Variants in FSTL4 observed in about 807,000 individuals in gnomAD.
FSTL4 encodes the protein follistatin-related protein 4.
Under a neutral mutation model 78.2 loss-of-function variants are expected in FSTL4, and 28 were observed. The ratio of observed to expected loss-of-function variants is 0.36; its 90% CI spans 0.27 to 0.49. The LOEUF is 0.49. Ranked by LOEUF, FSTL4 falls within the 20% of genes least tolerant of loss-of-function variation. The probability of loss-of-function intolerance (pLI) is 0.98; values close to 1 mark genes in which losing one functional copy is unlikely to be tolerated. For missense variants in FSTL4, 922 were observed against 1,084.9 expected (o/e 0.85, Z 2.11); for synonymous variants, 422 against 440.5 (o/e 0.96, Z 0.53).
chr5:133,538,628 A>C (rs1279430838), intron 3 of FSTL4, among the ~76,000 whole-genome samples: 1 of 151,608 alleles, frequency 6.6e-6, no homozygotes, highest in East Asian at 1.9e-4. Flanking sequence ...GCTTTCCTTT[A>C]TGTCCATCTA....
At chr5:133,330,456 C>A (rs771249152) in intron 4 of FSTL4, among the ~76,000 whole-genome samples, 1 of 152,074 alleles carries the variant, frequency 6.6e-6, no homozygotes, top group Non-Finnish European at 1.5e-5. Flanking sequence ...GATGCCACAC[C>A]CTTTTAAACA....
At chr5:133,772,178 G>C in the FSTL4 span, among the ~76,000 whole-genome samples, 4 of 152,062 alleles carry the variant, frequency 2.6e-5, no homozygotes, top group Non-Finnish European at 5.9e-5. Flanking sequence ...AATGTTTAAA[G>C]AAGAAAATAT....
the FSTL4 span, among the ~76,000 whole-genome samples, chr5:133,757,564 T>C: frequency 6.6e-6 from 1 of 152,232 alleles, no homozygotes; most frequent in Non-Finnish European, 1.5e-5. Flanking sequence ...TTTGGCGTCA[T>C]GCTACATGTT....
the FSTL4 span, among the ~76,000 whole-genome samples, chr5:133,723,209 C>T: frequency 6.6e-6 from 1 of 152,166 alleles, no homozygotes; most frequent in Non-Finnish European, 1.5e-5. Context: ...AAGCAAGGGT[C>T]TTTGTTCTGA....
chr5:133,718,093 T>G, the FSTL4 span, among the ~76,000 whole-genome samples: 1 of 150,936 alleles, frequency 6.6e-6, no homozygotes, highest in Non-Finnish European at 1.5e-5. Flanking sequence ...TGTTTTTTGG[T>G]TTTTGGTTTT....
At chr5:133,636,800 A>G in the FSTL4 span, among the ~76,000 whole-genome samples, 4 of 152,224 alleles carry the variant, frequency 2.6e-5, no homozygotes, top group Admixed American at 2.0e-4. Context: ...TGGTAGAACT[A>G]GTAAAATCAA....
chr5:133,567,375 C>A (rs1449760225), intron 2 of FSTL4, among the ~76,000 whole-genome samples, 156 bp from the exon 3 acceptor site: 1 of 152,242 alleles, frequency 6.6e-6, no homozygotes, highest in Non-Finnish European at 1.5e-5. Flanking sequence ...AAACTCTCAA[C>A]ATGTACATCT....
chr5:133,311,750 T>C (rs1753791386), intron 6 of FSTL4, among the ~76,000 whole-genome samples: 1 of 152,210 alleles, frequency 6.6e-6, no homozygotes, highest in Admixed American at 6.5e-5. Context: ...TGCACCCACC[T>C]CTTGAATGCC....
At chr5:133,806,218 G>C in the FSTL4 span, among the ~76,000 whole-genome samples, 1 of 151,430 alleles carries the variant, frequency 6.6e-6, no homozygotes, top group Non-Finnish European at 1.5e-5. Flanking sequence ...GTCGTTCTTT[G>C]ACAACATTAT....
intron 3 of FSTL4, among the ~76,000 whole-genome samples, chr5:133,474,430 T>C (rs1757887425): frequency 6.6e-6 from 1 of 151,942 alleles, no homozygotes; most frequent in Non-Finnish European, 1.5e-5. Flanking sequence ...CGTGAAGGAG[T>C]GTCCCTAGCT....
chr5:133,547,745 C>T (rs1347474723), intron 3 of FSTL4, among the ~76,000 whole-genome samples: 2 of 152,210 alleles, frequency 1.3e-5, no homozygotes, highest in Non-Finnish European at 2.9e-5. Context: ...ATGAGACCCT[C>T]ACCAGAAGAT....
the FSTL4 span, among the ~76,000 whole-genome samples, chr5:133,711,423 T>A: frequency 2.0e-5 from 3 of 152,214 alleles, no homozygotes; most frequent in African/African-American, 7.2e-5. Flanking sequence ...CCAGGAGCTC[T>A]TACCCAGGTG....
At chr5:133,250,015 T>C (rs1752170717) in intron 6 of FSTL4, among the ~76,000 whole-genome samples, 1 of 152,258 alleles carries the variant, frequency 6.6e-6, no homozygotes, top group African/African-American at 2.4e-5. Flanking sequence ...TTCTCATCCA[T>C]CTGGGGTCAG....
chr5:133,330,388 G>A (rs1754316118), intron 4 of FSTL4, among the ~76,000 whole-genome samples: 1 of 152,200 alleles, frequency 6.6e-6, no homozygotes, highest in South Asian at 2.1e-4. Flanking sequence ...ATGAAAGAAG[G>A]TGAAAGGGGA....
chr5:133,704,932 T>C, the FSTL4 span, among the ~76,000 whole-genome samples: 1 of 152,238 alleles, frequency 6.6e-6, no homozygotes, highest in East Asian at 1.9e-4. Context: ...CATTTGCCTG[T>C]TCCCTGGGAA....
At chr5:133,537,188 C>A (rs141337241) in intron 3 of FSTL4, among the ~76,000 whole-genome samples, 1 of 152,268 alleles carries the variant, frequency 6.6e-6, no homozygotes, top group East Asian at 1.9e-4. Context: ...CACACTCATT[C>A]ATATACTTTC....
the FSTL4 span, among the ~76,000 whole-genome samples, chr5:133,817,143 C>T: frequency 6.6e-6 from 1 of 152,224 alleles, no homozygotes; most frequent in Non-Finnish European, 1.5e-5. Context: ...TTAAGCTTTT[C>T]ACTTCTATTG....
the FSTL4 span, among the ~76,000 whole-genome samples, chr5:133,774,140 T>C: frequency 6.6e-6 from 1 of 152,098 alleles, no homozygotes. Flanking sequence ...AAAAGAATAG[T>C]TGGAAATCAG....
the FSTL4 span, among the ~76,000 whole-genome samples, chr5:133,657,287 G>A: frequency 6.6e-6 from 1 of 152,136 alleles, no homozygotes; most frequent in African/African-American, 2.4e-5. Context: ...GAAGGATGGT[G>A]GACTTAGAAA....
Sources: allele counts gnomAD v4.1 joint callset (sites outside exome capture counted in the v4.1 genomes callset), GRCh38; gene constraint gnomAD v4.1.1; transcripts MANE v1.5; gene names NCBI Gene and HGNC (gene_info 2026-07-23, HGNC 2026-07-21).